ODF2: variants seen among roughly 807,000 people sequenced by gnomAD.
The protein encoded by ODF2 is outer dense fiber of sperm tails 2.
Under a neutral mutation model 110.2 loss-of-function variants are expected in ODF2, and 47 were observed. That is an observed-to-expected ratio of 0.43 (90% CI 0.34 to 0.54). ODF2 has a LOEUF of 0.54. Among genes scored for constraint, ODF2 ranks in the 20% least tolerant of loss-of-function variants. ODF2 has a pLI of 0.03. For synonymous variants in ODF2, 352 were observed against 397.7 expected (o/e 0.89, Z 1.37); for missense variants, 812 against 1,054.5 (o/e 0.77, Z 3.19).
chr9:128,456,967 G>A, intron 1 of ODF2: 1 of 1,236,834 alleles, frequency 8.1e-7, no homozygotes, highest in Non-Finnish European at 1.0e-6. Context: ...CATCCCCGCG[G>A]CTCCCTGCGC....
chr9:128,481,703 C>T (rs1254687372), intron 9 of ODF2, 52 bp downstream of exon 9: 19 of 1,437,684 alleles, frequency 1.3e-5, no homozygotes, highest in African/African-American at 2.8e-5. Context: ...GCAAGAGCGT[C>T]GTTCCACTAC....
rs1230470961 is a variant in ODF2, at chr9:128,460,628, A to T, written c.124-314A>T. ...TGAGAACACCCCTGTCCACGTCCAC[A>T]TAAAAAAACTCCCGAAACCATCAGC... On this transcript the variant is annotated intron_variant, in intron 3 of 20. Coordinates refer to ENST00000604420, the Ensembl canonical transcript of ODF2. 5 of 1,614,148 alleles carry T rather than the reference A, an allele frequency of 3.1e-6. No homozygotes were observed. The East Asian group carries it at 8.9e-5, about 29-fold the overall frequency.
chr9:128,471,303 C>T lies in ODF2; in HGVS notation c.421-5C>T. The T allele has an allele frequency of 6.2e-7, 1 of 1,604,384 alleles. No individual in the cohort carries two copies. The highest frequency in any genetic ancestry group is 8.5e-7 in the Non-Finnish European group (1 of 1,176,468). ...AGTGGCCCCTGCCTGGGTCCCCCTG[C>T]TCAGGTCAAGATGCAAAAAGGTGAG... On this transcript the variant is annotated splice_polypyrimidine_tract_variant and splice_region_variant and intron_variant, in intron 5 of 20. Coordinates refer to ENST00000604420, the Ensembl canonical transcript of ODF2.
Position 128,459,552 on chromosome 9 carries a change from TGTGCCTGG to T in ODF2, c.33-10_33-3del, listed in dbSNP as rs1332840584. ...AGTTTTCTGCTTACAATCTGGTTCT[TGTGCCTGG>T]GTGCAGGTTTCCATCGTGTGGGAAG... On this transcript the variant is annotated splice_polypyrimidine_tract_variant and splice_region_variant and intron_variant, in intron 2 of 20. Transcript: ENST00000604420. The T allele has an allele frequency of 5.0e-6, 8 of 1,610,112 alleles. No homozygotes were observed. The highest frequency in any genetic ancestry group is 6.8e-6 in the Non-Finnish European group (8 of 1,177,064).
intron 2 of ODF2, among the ~76,000 whole-genome samples, chr9:128,459,045 A>G (rs1452290476): frequency 6.6e-6 from 1 of 152,086 alleles, no homozygotes; most frequent in East Asian, 1.9e-4. Context: ...GGGTCTTGCC[A>G]TGTTGCCCAG....
intron 4 of ODF2, among the ~76,000 whole-genome samples, chr9:128,465,739 CAAA>C (rs34262754): frequency 7.1e-5 from 5 of 70,426 alleles, no homozygotes; most frequent in African/African-American, 9.2e-5. Flanking sequence ...GACTCCGTCT[CAAA>C]AAAAAAAAAA....
chr9:128,476,703 T>C (rs1294408582), intron 8 of ODF2, among the ~76,000 whole-genome samples: 18 of 150,364 alleles, frequency 1.2e-4, no homozygotes, highest in Non-Finnish European at 4.4e-5. Context: ...AGTGGCACGA[T>C]ATCGGCTCAC....
At chr9:128,477,803 T>C (rs967739715) in intron 8 of ODF2, among the ~76,000 whole-genome samples, 1 of 151,740 alleles carries the variant, frequency 6.6e-6, no homozygotes, top group Admixed American at 6.6e-5. Flanking sequence ...TTCACCATGT[T>C]GTCCAGCCTG....
chr9:128,467,402 T>C (rs1430175410), intron 4 of ODF2, among the ~76,000 whole-genome samples: 1 of 152,076 alleles, frequency 6.6e-6, no homozygotes, highest in Non-Finnish European at 1.5e-5. Context: ...TTATACATTT[T>C]CCTATTTTTG....
rs1029194553 is a variant in ODF2, at chr9:128,494,400, C to T, written c.1753-110C>T. ...ATTTTGCAGGATCCTCCACTGGGGA[C>T]TGTGTCAGCCCTGCCCTAACTCTAA... On this transcript the variant is annotated intron_variant, in intron 16 of 20. Transcript: ENST00000604420. The surrounding 1 kb of genome is among the most constrained non-coding windows in gnomAD (Gnocchi z 4.6). 2.2e-6 allele frequency: 2 copies of T among 925,796 alleles called. No homozygotes were observed. Among genetic ancestry groups the T allele is most frequent in the Non-Finnish European group, 3.3e-6 (2 of 601,646 alleles). 57.3% of individuals were successfully genotyped at this position (925,796 alleles called of 1,614,324 possible).
intron 11 of ODF2, 64 bp downstream of exon 11, chr9:128,484,118 C>A: frequency 8.3e-7 from 1 of 1,200,898 alleles, no homozygotes; most frequent in South Asian, 1.2e-5. Context: ...ATGGTAGCGG[C>A]CTGGCCCAGA....
upstream of ODF2, chr9:128,455,314 G>C: frequency 8.2e-7 from 1 of 1,222,492 alleles, no homozygotes; most frequent in Non-Finnish European, 1.1e-6. Flanking sequence ...CACTTTGGAA[G>C]GCCGAGGCGG....
In ODF2 at chr9:128,469,364, TAGG is replaced by T; in HGVS notation, c.420+12_420+14del. On this transcript the variant is annotated intron_variant, in intron 5 of 20. Coordinates refer to ENST00000604420, the Ensembl canonical transcript of ODF2. ...TGTCTGAAGTCTGAGGTGAGGGAGG[TAGG>T]GGGCTGGGATAGCTACTACCCTGAG... is the stretch of plus-strand genomic sequence containing the variant. 1.2e-6 allele frequency: 2 copies of T among 1,613,368 alleles called. No individual in the cohort carries two copies. Among genetic ancestry groups the T allele is most frequent in the Non-Finnish European group, 1.7e-6 (2 of 1,179,442 alleles).
chr9:128,459,694 A>G (rs1483151579), intron 3 of ODF2, 37 bp downstream of exon 2: 1 of 1,536,394 alleles, frequency 6.5e-7, no homozygotes, highest in Admixed American at 1.7e-5. Flanking sequence ...CTCTTTGGTC[A>G]CCTTGCTAAA....
intron 4 of ODF2, among the ~76,000 whole-genome samples, chr9:128,462,189 T>A (rs1359370637): frequency 2.0e-5 from 3 of 152,050 alleles, no homozygotes; most frequent in Non-Finnish European, 4.4e-5. Context: ...CTTGTTGCCC[T>A]TGCCCAGGCT....
intron 8 of ODF2, among the ~76,000 whole-genome samples, chr9:128,480,537 C>T (rs1842198457): frequency 6.6e-6 from 1 of 152,248 alleles, no homozygotes; most frequent in Admixed American, 6.5e-5. Flanking sequence ...CAAGTAACAG[C>T]TGGGCATGGT....
intron 13 of ODF2, among the ~76,000 whole-genome samples, chr9:128,486,456 T>A (rs1843367115): frequency 1.3e-5 from 2 of 152,136 alleles, no homozygotes; most frequent in South Asian, 4.1e-4. Flanking sequence ...AAACTGGAGT[T>A]GCCAGCAAAC....
intron 1 of ODF2, chr9:128,457,111 T>A: frequency 1.4e-6 from 2 of 1,407,048 alleles, no homozygotes; most frequent in South Asian, 2.5e-5. Flanking sequence ...GGTGGTCCTT[T>A]CCCTCGCGGT....
intron 19 of ODF2, 103 bp from the exon 20 acceptor site, chr9:128,498,898 C>T: frequency 6.9e-7 from 1 of 1,439,242 alleles, no homozygotes; most frequent in East Asian, 2.3e-5. Flanking sequence ...CAATGATGTG[C>T]AAGTGCTGTC....
Sources: gnomAD v4.1 joint callset for allele counts (sites outside exome capture counted in the v4.1 genomes callset) on GRCh38, gnomAD v4.1.1 for gene constraint, Gnocchi (gnomAD v3.1) non-coding constraint, MANE v1.5 for transcripts, NCBI Gene and HGNC (gene_info 2026-07-23, HGNC 2026-07-21) for gene names.